FREM2: variants seen among roughly 807,000 people sequenced by gnomAD.
The protein encoded by FREM2 is FRAS1 related extracellular matrix 2, also known as FRAS1-related extracellular matrix protein 2.
A neutral mutation model predicts 219.9 loss-of-function variants in FREM2; 119 were observed. The observed-to-expected ratio is 0.54, with a 90% CI of 0.47 to 0.63. The LOEUF is 0.63. Ranked by LOEUF, FREM2 falls within the 30% of genes least tolerant of loss-of-function variation. FREM2 has a pLI of 0.00. For missense variants in FREM2, 4,030 were observed against 3,993.6 expected, an observed-to-expected ratio of 1.01 and a Z score of -0.25; for synonymous variants, 1,562 against 1,522.8, an observed-to-expected ratio of 1.03 and a Z score of -0.60.
intron 6 of FREM2, among the ~76,000 whole-genome samples, chr13:38,806,163 G>A (rs1304033541): frequency 6.6e-6 from 1 of 151,840 alleles, no homozygotes; most frequent in Non-Finnish European, 1.5e-5. Flanking sequence ...AGAGAAGAGA[G>A]ACTTCTCCAT....
At chr13:38,703,338 T>TA (rs1213418699) in intron 2 of FREM2, among the ~76,000 whole-genome samples, 1 of 152,304 alleles carries the variant, frequency 6.6e-6, no homozygotes, top group East Asian at 1.9e-4. Flanking sequence ...AATTAATTGC[T>TA]AGTGACATGA....
chr13:38,846,778 G>A, intron 7 of FREM2, 56 bp downstream of exon 7: 5 of 1,585,428 alleles, frequency 3.2e-6, no homozygotes, highest in Non-Finnish European at 4.3e-6. Context: ...AATGACCATG[G>A]CACAAATTTA....
chr13:38,778,053 T>G (rs1873948109), intron 4 of FREM2, among the ~76,000 whole-genome samples: 1 of 152,344 alleles, frequency 6.6e-6, no homozygotes, highest in Middle Eastern at 3.4e-3. Flanking sequence ...GAATCAAAAC[T>G]CAGGTGCTTG....
intron 6 of FREM2, among the ~76,000 whole-genome samples, chr13:38,823,320 T>C (rs1253851878): frequency 6.6e-6 from 1 of 152,008 alleles, no homozygotes; most frequent in Non-Finnish European, 1.5e-5. Context: ...ATCCCACCCC[T>C]TTCCACCAGA....
chr13:38,850,051 A>G lies in FREM2; in HGVS notation c.6393A>G (p.Gln2131=), dbSNP rs551139126. ...NDSVSDLPKM[Q]FKERIYTGSE... ...TTGTTTTTGCAGTGCCTAAGATGCA[A>G]TTCAAAGAACGAATATATACTGGCA... Residue 2131 remains glutamine, a synonymous_variant, in exon 9 of 24, where the codon CAA becomes CAG. Transcript: ENST00000280481. 1 of 1,613,792 alleles carries G rather than the reference A, an allele frequency of 6.2e-7. No homozygotes were observed. Among genetic ancestry groups the G allele is most frequent in the South Asian group, 1.1e-5 (1 of 91,074 alleles).
intron 6 of FREM2, among the ~76,000 whole-genome samples, chr13:38,822,719 G>A (rs1437639828): frequency 1.3e-5 from 2 of 152,198 alleles, no homozygotes. Context: ...TAAAATGACA[G>A]TATATCTAAA....
intron 6 of FREM2, among the ~76,000 whole-genome samples, chr13:38,816,265 C>T (rs2137871050): frequency 6.6e-6 from 1 of 152,186 alleles, no homozygotes; most frequent in Non-Finnish European, 1.5e-5. Flanking sequence ...CAAAATCAAA[C>T]AATCACATAA....
intron 2 of FREM2, among the ~76,000 whole-genome samples, chr13:38,754,252 A>T (rs1872891576): frequency 6.6e-6 from 1 of 152,154 alleles, no homozygotes; most frequent in Non-Finnish European, 1.5e-5. Context: ...ACCGGCTTTC[A>T]TACCCTTTGC....
At chr13:38,819,615 T>C (rs1048879348) in intron 6 of FREM2, among the ~76,000 whole-genome samples, 3 of 152,172 alleles carry the variant, frequency 2.0e-5, no homozygotes, top group African/African-American at 7.2e-5. Context: ...AATTAACTTA[T>C]GTCTTTATTT....
chr13:38,774,364 A>G (rs1873790759), intron 4 of FREM2, among the ~76,000 whole-genome samples: 1 of 152,218 alleles, frequency 6.6e-6, no homozygotes, highest in Admixed American at 6.5e-5. Flanking sequence ...GAATGCTGCT[A>G]GGATCTAGGT....
intron 6 of FREM2, among the ~76,000 whole-genome samples, chr13:38,835,849 A>C (rs1278964237): frequency 6.6e-6 from 1 of 152,242 alleles, no homozygotes; most frequent in Non-Finnish European, 1.5e-5. Flanking sequence ...TTGGGCTGAG[A>C]CGATGGAGTT....
intron 16 of FREM2, among the ~76,000 whole-genome samples, chr13:38,869,915 C>T (rs1336278777): frequency 6.6e-6 from 1 of 152,092 alleles, no homozygotes; most frequent in Non-Finnish European, 1.5e-5. Flanking sequence ...AGCTGTTTTG[C>T]GACATAGAAT....
At chr13:38,879,418 CA>C (rs1347966127) in intron 23 of FREM2, among the ~76,000 whole-genome samples, 1 of 152,114 alleles carries the variant, frequency 6.6e-6, no homozygotes, top group East Asian at 1.9e-4. Flanking sequence ...AGCAATTGTG[CA>C]CAGCTCCACT....
At chr13:38,860,517 T>G (rs1877722639) in intron 14 of FREM2, among the ~76,000 whole-genome samples, 1 of 152,260 alleles carries the variant, frequency 6.6e-6, no homozygotes, top group African/African-American at 2.4e-5. Context: ...CACCTGTGAC[T>G]ACTATATATT....
chr13:38,760,446 T>C (rs1188887282), intron 2 of FREM2, among the ~76,000 whole-genome samples: 1 of 152,178 alleles, frequency 6.6e-6, no homozygotes, highest in African/African-American at 2.4e-5. Flanking sequence ...TGAAATTAGG[T>C]ATCTCTAAAA....
intron 6 of FREM2, among the ~76,000 whole-genome samples, chr13:38,816,567 T>C (rs1402317778): frequency 1.3e-5 from 2 of 152,160 alleles, no homozygotes; most frequent in Non-Finnish European, 2.9e-5. Context: ...ATTCACATGG[T>C]ACTTACCTCA....
chr13:38,856,045 TAAAAAAAA>T, intron 11 of FREM2, 73 bp from the exon 12 acceptor site: 6 of 601,354 alleles, frequency 1.0e-5, no homozygotes, highest in Admixed American at 3.3e-5. Context: ...TAGGCCACAG[TAAAAAAAA>T]AAAAAAAAAA....
chr13:38,786,157 C>T (rs1434789703), intron 6 of FREM2, among the ~76,000 whole-genome samples: 1 of 152,096 alleles, frequency 6.6e-6, no homozygotes, highest in Non-Finnish European at 1.5e-5. Flanking sequence ...GAGCTTGCTC[C>T]TCTTATCTAG....
intron 6 of FREM2, among the ~76,000 whole-genome samples, chr13:38,844,822 A>G (rs995268050): frequency 6.6e-6 from 1 of 152,206 alleles, no homozygotes; most frequent in Non-Finnish European, 1.5e-5. Context: ...GAAGCCTTTT[A>G]AAAGACTTAC....
Sources: gnomAD v4.1 joint callset for allele counts (sites outside exome capture counted in the v4.1 genomes callset) on GRCh38, gnomAD v4.1.1 for gene constraint, MANE v1.5 for transcripts, NCBI Gene and HGNC (gene_info 2026-07-23, HGNC 2026-07-21) for gene names.